SPAG16: variants seen among roughly 807,000 people sequenced by gnomAD.
SPAG16 encodes sperm associated antigen 16, also known as sperm-associated antigen 16 protein.
Under a neutral mutation model 80.4 loss-of-function variants are expected in SPAG16, and 86 were observed. The ratio of observed to expected loss-of-function variants is 1.07; its 90% confidence interval spans 0.90 to 1.28. SPAG16 has a LOEUF of 1.28. SPAG16 is among the 50% of genes most tolerant of loss of function. SPAG16 has a pLI of 0.00. For missense variants in SPAG16, 870 were observed against 765.3 expected (o/e 1.14, Z -1.61); for synonymous variants, 294 against 265.9 (o/e 1.11, Z -1.03).
intron 11 of SPAG16, among the ~76,000 whole-genome samples, chr2:213,928,338 C>G (rs2078588487): frequency 6.6e-6 from 1 of 151,808 alleles, no homozygotes; most frequent in Admixed American, 6.6e-5. Context: ...ATGATCTGCC[C>G]CCCTCGACCT....
At chr2:214,207,563 CTTA>C (rs2058177571) in intron 15 of SPAG16, among the ~76,000 whole-genome samples, 1 of 152,094 alleles carries the variant, frequency 6.6e-6, no homozygotes, top group Admixed American at 6.6e-5. Flanking sequence ...ATGCTTATTT[CTTA>C]TTATTATTTC....
chr2:213,908,266 A>G (rs1218684850), intron 11 of SPAG16, among the ~76,000 whole-genome samples: 1 of 152,198 alleles, frequency 6.6e-6, no homozygotes, highest in African/African-American at 2.4e-5. Context: ...GGCACAAGGC[A>G]TGGGAGACCT....
chr2:214,224,922 G>T (rs559504693), intron 15 of SPAG16, among the ~76,000 whole-genome samples: 5 of 152,110 alleles, frequency 3.3e-5, no homozygotes, highest in South Asian at 2.1e-4. Context: ...TCAAATAATA[G>T]GGAAATTAAC....
chr2:213,407,565 G>A (rs937629603), intron 9 of SPAG16, among the ~76,000 whole-genome samples: 7 of 150,406 alleles, frequency 4.7e-5, no homozygotes, highest in South Asian at 2.1e-4. Context: ...TTGCACTCCC[G>A]CAGGTCCCTA....
At chr2:213,764,383 A>T (rs1297771605) in intron 10 of SPAG16, among the ~76,000 whole-genome samples, 2 of 152,130 alleles carry the variant, frequency 1.3e-5, no homozygotes, top group Non-Finnish European at 2.9e-5. Flanking sequence ...GGGAAAAAAA[A>T]AACCTGAGTA....
chr2:213,472,580 C>A (rs1037169192), intron 9 of SPAG16, among the ~76,000 whole-genome samples: 1 of 152,132 alleles, frequency 6.6e-6, no homozygotes, highest in Non-Finnish European at 1.5e-5. Context: ...TAATGACTTC[C>A]ATTTGGCCTT....
chr2:214,400,392 A>G (rs1701640142), intron 15 of SPAG16, among the ~76,000 whole-genome samples: 1 of 152,070 alleles, frequency 6.6e-6, no homozygotes, highest in Non-Finnish European at 1.5e-5. Flanking sequence ...TTCAAAAAAA[A>G]GTATAACAAA....
intron 15 of SPAG16, among the ~76,000 whole-genome samples, chr2:214,248,738 T>A (rs924088127): frequency 4.6e-5 from 7 of 152,008 alleles, no homozygotes; most frequent in Admixed American, 3.9e-4. Flanking sequence ...AATAAGTATA[T>A]AAAGGAGAGA....
intron 12 of SPAG16, among the ~76,000 whole-genome samples, chr2:213,956,345 GCTTAGTTTGTTCTTATAGTTC>G (rs976617289): frequency 6.6e-6 from 1 of 151,504 alleles, no homozygotes; most frequent in Admixed American, 6.6e-5. Flanking sequence ...TTAGATTTAG[GCTTAGTTTGTTCTTATAGTTC>G]CTTAGTTTGT....
chr2:213,721,129 C>A (rs961719129), intron 10 of SPAG16, among the ~76,000 whole-genome samples: 3 of 151,786 alleles, frequency 2.0e-5, no homozygotes, highest in African/African-American at 7.3e-5. Flanking sequence ...GAGATGGAGT[C>A]TCTCTCTGTA....
intron 9 of SPAG16, among the ~76,000 whole-genome samples, chr2:213,455,773 T>C (rs1575632140): frequency 1.3e-5 from 2 of 152,114 alleles, no homozygotes; most frequent in South Asian, 2.1e-4. Flanking sequence ...GTGGTAATGC[T>C]CCCCTGCCCA....
intron 10 of SPAG16, among the ~76,000 whole-genome samples, chr2:213,842,323 G>T (rs1020180029): frequency 1.3e-5 from 2 of 152,048 alleles, no homozygotes; most frequent in African/African-American, 4.8e-5. Flanking sequence ...TTTCTTGGCA[G>T]TTTCCTCAGA....
intron 10 of SPAG16, among the ~76,000 whole-genome samples, chr2:213,626,762 C>T (rs2061976905): frequency 6.6e-6 from 1 of 151,346 alleles, no homozygotes; most frequent in South Asian, 2.1e-4. Flanking sequence ...ATTCTGCTGC[C>T]TCAGCCTCCT....
chr2:213,925,804 A>T (rs750656167), intron 11 of SPAG16, among the ~76,000 whole-genome samples: 4 of 152,264 alleles, frequency 2.6e-5, no homozygotes, highest in Admixed American at 2.6e-4. Flanking sequence ...GTCATAGTGA[A>T]GATCAAATAT....
chr2:213,922,978 T>G (rs2106215453), intron 11 of SPAG16, among the ~76,000 whole-genome samples: 1 of 152,090 alleles, frequency 6.6e-6, no homozygotes, highest in Admixed American at 6.6e-5. Context: ...GCCTGCAGAG[T>G]TCAGGCAGAA....
chr2:213,510,473 A>G (rs2075179244), intron 10 of SPAG16, among the ~76,000 whole-genome samples: 1 of 152,120 alleles, frequency 6.6e-6, no homozygotes, highest in Non-Finnish European at 1.5e-5. Context: ...CATTCAATGA[A>G]CTTTCAATTG....
intron 14 of SPAG16, among the ~76,000 whole-genome samples, chr2:214,111,445 G>A (rs1003769903): frequency 2.6e-5 from 4 of 152,110 alleles, no homozygotes; most frequent in Admixed American, 1.3e-4. Flanking sequence ...AGTTGTAGAT[G>A]TGTGTTGTTA....
At chr2:214,379,427 G>A (rs1700323549) in intron 15 of SPAG16, among the ~76,000 whole-genome samples, 1 of 152,194 alleles carries the variant, frequency 6.6e-6, no homozygotes, top group African/African-American at 2.4e-5. Context: ...TGATTCCCAA[G>A]CCCATGCTCT....
At chr2:213,414,378 TTA>T (rs1308251330) in intron 9 of SPAG16, among the ~76,000 whole-genome samples, 1 of 152,176 alleles carries the variant, frequency 6.6e-6, no homozygotes, top group Non-Finnish European at 1.5e-5. Flanking sequence ...CCTTAATTAA[TTA>T]GACATTTTTT....
Sources: allele counts gnomAD v4.1 joint callset (sites outside exome capture counted in the v4.1 genomes callset), GRCh38; gene constraint gnomAD v4.1.1; transcripts MANE v1.5; gene names NCBI Gene and HGNC (gene_info 2026-07-23, HGNC 2026-07-21).